Variants in ANTXR1 observed in about 807,000 individuals in gnomAD.
ANTXR1 encodes the protein ANTXR cell adhesion molecule 1, also known as anthrax toxin receptor 1.
In ANTXR1, 19 loss-of-function variants were observed where a neutral mutation model predicts 78.1. The ratio of observed to expected loss-of-function variants is 0.24; its 90% CI spans 0.17 to 0.36. ANTXR1 has a LOEUF of 0.36. Ranked by LOEUF, ANTXR1 falls within the 10% of genes least tolerant of loss-of-function variation. The pLI, the probability that ANTXR1 is intolerant of heterozygous loss-of-function variation, is 1.00. For synonymous variants in ANTXR1, 273 were observed against 260.5 expected (o/e 1.05, Z -0.46); for missense variants, 518 against 718.6 (o/e 0.72, Z 3.19).
chr2:69,242,820 T>C lies in ANTXR1; in HGVS notation c.1435-2405T>C, dbSNP rs1675924946. 2.0e-5 allele frequency among the ~76,000 whole-genome samples: 3 copies of C among 152,186 alleles called. 1 individual carries two copies. The highest frequency in any genetic ancestry group is 4.1e-4 in the South Asian group (2 of 4,832). On this transcript the variant is annotated intron_variant, in intron 17 of 17. Coordinates refer to ENST00000303714, the MANE Select transcript of ANTXR1 (RefSeq NM_032208.3). ...TCTTAAAGGAAAGCTTTATCCAGAATCATAAATAAACTGTAACCAAGGCTT... is the reference window on the plus strand; with the variant it reads ...TCTTAAAGGAAAGCTTTATCCAGAACCATAAATAAACTGTAACCAAGGCTT...
intron 16 of ANTXR1, among the ~76,000 whole-genome samples, chr2:69,187,498 G>C (rs1674447139): frequency 6.6e-6 from 1 of 151,066 alleles, no homozygotes; most frequent in African/African-American, 2.4e-5. Flanking sequence ...GTGTCTGTGT[G>C]TAGGGAAAGT....
chr2:69,185,863 A>G (rs1286987449), intron 16 of ANTXR1, among the ~76,000 whole-genome samples: 1 of 152,224 alleles, frequency 6.6e-6, no homozygotes, highest in Non-Finnish European at 1.5e-5. Context: ...GCTCCTCGGC[A>G]GGACTCCCTC....
In ANTXR1 at chr2:69,096,286, AAGGGAGGAAGGGAGGAAGGG is replaced by A. The variant is rs1558541019; in HGVS notation, c.703+5371_703+5390del. On this transcript the variant is annotated intron_variant, in intron 9 of 17. Coordinates refer to ENST00000303714, the MANE Select transcript of ANTXR1 (RefSeq NM_032208.3). ...GAAGGAAGGAAGGAAGGAAGGAAGG[AAGGGAGGAAGGGAGGAAGGG>A]AGGAAGGGAGGAAGGGAGGAAGGGA... Among the ~76,000 whole-genome samples, 2 of 36,480 alleles carry A rather than the reference AAGGGAGGAAGGGAGGAAGGG, an allele frequency of 5.5e-5. 1 individual carries two copies. The highest frequency in any genetic ancestry group is 2.5e-4 in the African/African-American group (2 of 7,990). The allele number at this position is 36,480 out of a possible 152,430, so 23.9% of individuals were successfully genotyped here.
At chr2:69,113,747 A>G (rs1672060435) in intron 10 of ANTXR1, among the ~76,000 whole-genome samples, 1 of 152,228 alleles carries the variant, frequency 6.6e-6, no homozygotes, top group Non-Finnish European at 1.5e-5. Flanking sequence ...ATACTGCCAC[A>G]AGGGTTCGTG....
At chr2:69,146,927 G>C (rs1246807288) in intron 12 of ANTXR1, among the ~76,000 whole-genome samples, 1 of 152,258 alleles carries the variant, frequency 6.6e-6, no homozygotes, top group Non-Finnish European at 1.5e-5. Context: ...CCAGTCCCGA[G>C]TTAGGCTGTG....
chr2:69,221,068 C>T (rs1219344561), intron 17 of ANTXR1, among the ~76,000 whole-genome samples: 1 of 152,076 alleles, frequency 6.6e-6, no homozygotes, highest in Non-Finnish European at 1.5e-5. Flanking sequence ...GAAGTGGAAA[C>T]ATATGGGAAG....
At chr2:69,217,237 A>G (rs1675200580) in intron 17 of ANTXR1, among the ~76,000 whole-genome samples, 1 of 152,224 alleles carries the variant, frequency 6.6e-6, no homozygotes, top group African/African-American at 2.4e-5. Flanking sequence ...AGTTCCCACC[A>G]AAAGTGCTTA....
At chr2:69,074,761 T>C (rs2104222749) in intron 6 of ANTXR1, among the ~76,000 whole-genome samples, 1 of 152,272 alleles carries the variant, frequency 6.6e-6, no homozygotes, top group East Asian at 1.9e-4. Flanking sequence ...AGGGAAAAAA[T>C]AACACAATCA....
intron 1 of ANTXR1, among the ~76,000 whole-genome samples, chr2:69,023,059 C>A (rs543293169): frequency 1.3e-5 from 2 of 152,320 alleles, no homozygotes; most frequent in East Asian, 3.9e-4. Flanking sequence ...TTAAGAAGGC[C>A]ACCTTCGGAA....
intron 17 of ANTXR1, among the ~76,000 whole-genome samples, chr2:69,233,578 ATATC>A (rs1675680161): frequency 6.6e-6 from 1 of 152,022 alleles, no homozygotes; most frequent in Admixed American, 6.5e-5. Context: ...ATTAATAAAA[ATATC>A]TATCAATAGG....
chr2:69,112,646 AG>A (rs1412618814), intron 10 of ANTXR1, among the ~76,000 whole-genome samples: 1 of 152,220 alleles, frequency 6.6e-6, no homozygotes, highest in Non-Finnish European at 1.5e-5. Flanking sequence ...CCCAGGCATT[AG>A]GGTGTCAGTG....
intron 13 of ANTXR1, among the ~76,000 whole-genome samples, chr2:69,167,022 G>T (rs1049684340): frequency 6.6e-6 from 1 of 152,232 alleles, no homozygotes; most frequent in Non-Finnish European, 1.5e-5. Flanking sequence ...GTTCACTGGG[G>T]AATGTGCAGG....
In ANTXR1 at chr2:69,043,830, C is replaced by T. The variant is rs980586401; in HGVS notation, c.225-912C>T. Reference sequence around the variant, plus strand: ...AATTGTAGTGGTCAGACGATTGAGGCCAGGATCCTAAGCTAAGATACGGGA... The same window carrying T: ...AATTGTAGTGGTCAGACGATTGAGGTCAGGATCCTAAGCTAAGATACGGGA... On this transcript the variant is annotated intron_variant, in intron 2 of 17. Coordinates refer to ENST00000303714, the MANE Select transcript of ANTXR1 (RefSeq NM_032208.3). 2.0e-5 allele frequency among the ~76,000 whole-genome samples: 3 copies of T among 152,102 alleles called. No individual in the cohort carries two copies. The East Asian group carries it at 5.8e-4, about 29-fold the overall frequency.
At chr2:69,109,858 T>C (rs993968402) in intron 10 of ANTXR1, among the ~76,000 whole-genome samples, 8 of 152,284 alleles carry the variant, frequency 5.3e-5, no homozygotes, top group Middle Eastern at 3.4e-3. Flanking sequence ...TTTTAAATTC[T>C]CTTGTTAAAC....
Position 69,098,175 on chromosome 2 carries a change from T to C in ANTXR1, c.704-4667T>C, listed in dbSNP as rs375867158. On this transcript the variant is annotated intron_variant, in intron 9 of 17. Transcript: ENST00000303714. ...ACGCTCACTGTCTTGACTGTGGTAT[T>C]ATGATTGTGTACATATGTCAAAATT... 9.0e-4 allele frequency among the ~76,000 whole-genome samples: 137 copies of C among 152,334 alleles called. 1 individual carries two copies. The highest frequency in any genetic ancestry group is 1.9e-3 in the South Asian group (9 of 4,830).
At chr2:69,014,317 C>T (rs1016782841) in intron 1 of ANTXR1, among the ~76,000 whole-genome samples, 4 of 151,960 alleles carry the variant, frequency 2.6e-5, no homozygotes, top group Admixed American at 2.6e-4. Flanking sequence ...CAGTAACATC[C>T]CCCGCCCCCC....
At chr2:69,048,225 T>C (rs1470180928) in intron 3 of ANTXR1, among the ~76,000 whole-genome samples, 2 of 152,150 alleles carry the variant, frequency 1.3e-5, no homozygotes, top group African/African-American at 4.8e-5. Context: ...AAAAAATAGA[T>C]GCTCAATTTA....
upstream of ANTXR1, chr2:69,013,144 A>T (rs1426530059): frequency 6.0e-3 from 266 of 44,498 alleles, 5 homozygotes; most frequent in Non-Finnish European, 5.1e-3. This position sits in a 1 kb window ranked among gnomAD's most constrained non-coding sequence, Gnocchi z 5.0. Flanking sequence ...CCCCCCCCCC[A>T]TCATATTTAA....
intron 17 of ANTXR1, among the ~76,000 whole-genome samples, chr2:69,242,030 T>C (rs1675907654): frequency 6.6e-6 from 1 of 152,150 alleles, no homozygotes. Context: ...TGGGCTTTTG[T>C]GCTCAGCTCT....
Sources: allele counts gnomAD v4.1 joint callset (sites outside exome capture counted in the v4.1 genomes callset), GRCh38; gene constraint gnomAD v4.1.1; non-coding constraint Gnocchi (gnomAD v3.1); transcripts MANE v1.5; gene names NCBI Gene and HGNC (gene_info 2026-07-23, HGNC 2026-07-21).